Variants in ARF3 observed in about 807,000 individuals in gnomAD.
ARF3 encodes ADP-ribosylation factor 3.
In ARF3, 5 loss-of-function variants were observed where a neutral mutation model predicts 19.3. That is an observed-to-expected ratio of 0.26 (90% confidence interval 0.14 to 0.54). The LOEUF is 0.54. Ranked by LOEUF, ARF3 falls within the 20% of genes least tolerant of loss-of-function variation. The pLI, the probability that ARF3 is intolerant of heterozygous loss-of-function variation, is 0.95. For missense variants in ARF3, 77 were observed against 234.2 expected (o/e 0.33, Z 4.38); for synonymous variants, 71 against 89.2 (o/e 0.80, Z 1.15).
At chr12:48,948,640 G>A (rs576948717) in intron 1 of ARF3, among the ~76,000 whole-genome samples, 5 of 151,988 alleles carry the variant, frequency 3.3e-5, no homozygotes, top group Non-Finnish European at 5.9e-5. Flanking sequence ...GTAAAACCCC[G>A]TCTCTACTAA....
At position 48,938,321 on chromosome 12, in the gene ARF3, G is replaced by A. The variant is rs1275104594; in HGVS notation, c.*626C>T. ...ACTGGGGCAGTCCGGCTTGACTAAT[G>A]CCCTCCCACCTTCTTCCCTTAATCT... is the stretch of plus-strand genomic sequence containing the variant. On this transcript the variant is annotated 3_prime_UTR_variant, in exon 5 of 5. Transcript: ENST00000256682. The A allele has an allele frequency of 4.4e-6, 2 of 450,208 alleles. No homozygotes were observed. Among genetic ancestry groups the A allele is most frequent in the East Asian group, 7.0e-5 (1 of 14,284 alleles). The allele number at this position is 450,208 out of a possible 1,614,324, so 27.9% of individuals were successfully genotyped here.
chr12:48,941,558 C>A (rs1270042614), intron 1 of ARF3: 1 of 152,526 alleles, frequency 6.6e-6, no homozygotes, highest in Non-Finnish European at 1.5e-5. Context: ...CCTCCCCTAA[C>A]CTTACTTACC....
chr12:48,941,416 G>A (rs912370096), intron 1 of ARF3, among the ~76,000 whole-genome samples: 6 of 152,112 alleles, frequency 3.9e-5, no homozygotes, highest in African/African-American at 1.4e-4. Flanking sequence ...GTGACTCTGG[G>A]CAAGTTACTT....
At chr12:48,953,279 T>C (rs79253663) in intron 1 of ARF3, 6 of 152,196 alleles carry the variant, frequency 3.9e-5, no homozygotes, top group East Asian at 3.9e-4. Flanking sequence ...CAGGTTCTGC[T>C]TGAAGAGAGG....
intron 1 of ARF3, among the ~76,000 whole-genome samples, chr12:48,954,036 A>C (rs833820): frequency 0.37 from 56,886 of 152,074 alleles, 11,872 homozygotes; most frequent in South Asian, 0.54. Flanking sequence ...CTGAGACCTA[A>C]AATAAGGGCA....
intron 1 of ARF3, among the ~76,000 whole-genome samples, chr12:48,952,852 C>G (rs11168804): frequency 2.0e-5 from 3 of 152,258 alleles, no homozygotes; most frequent in East Asian, 3.8e-4. Flanking sequence ...AGAGCTGCAA[C>G]TGCCCAATGT....
chr12:48,941,546 T>A (rs965957496), intron 1 of ARF3: 1 of 152,636 alleles, frequency 6.6e-6, no homozygotes, highest in African/African-American at 2.4e-5. Context: ...TTAATGCCCC[T>A]CCCTCCCCTA....
At chr12:48,953,912 A>G (rs1214852003) in intron 1 of ARF3, among the ~76,000 whole-genome samples, 3 of 152,242 alleles carry the variant, frequency 2.0e-5, no homozygotes, top group Admixed American at 6.5e-5. Context: ...AATTCTACAG[A>G]TATCACAATT....
At chr12:48,948,810 C>CA (rs1236622299) in intron 1 of ARF3, among the ~76,000 whole-genome samples, 7 of 141,862 alleles carry the variant, frequency 4.9e-5, no homozygotes, top group South Asian at 2.2e-4. Flanking sequence ...GACTCGGTCT[C>CA]AAAAAAAAAA....
intron 1 of ARF3, among the ~76,000 whole-genome samples, chr12:48,951,759 A>G (rs1940476164): frequency 6.6e-6 from 1 of 151,858 alleles, no homozygotes; most frequent in Non-Finnish European, 1.5e-5. Flanking sequence ...CACGCCTGTA[A>G]TCCCAGCTAC....
Position 48,937,261 on chromosome 12 carries a change from TGGGAAG to T in ARF3, c.*1680_*1685del, listed in dbSNP as rs1456112539. 6.6e-6 allele frequency: 1 copy of T among 152,208 alleles called. No individual in the cohort carries two copies. Among genetic ancestry groups the T allele is most frequent in the Non-Finnish European group, 1.5e-5 (1 of 68,052 alleles). 9.4% of individuals were successfully genotyped at this position (152,208 alleles called of 1,614,324 possible). ...GGAGTGGGGCTTGGGACAGCCCTAC[TGGGAAG>T]GGGTCCCTCAGCCATGCTGTGGGGG... On this transcript the variant is annotated 3_prime_UTR_variant, in exon 5 of 5. Coordinates refer to ENST00000256682, the MANE Select transcript of ARF3 (RefSeq NM_001659.3).
intron 1 of ARF3, among the ~76,000 whole-genome samples, chr12:48,945,943 C>T (rs1463405167): frequency 6.6e-6 from 1 of 152,174 alleles, no homozygotes; most frequent in Non-Finnish European, 1.5e-5. Flanking sequence ...GCTGGGATTA[C>T]AGGCATGTGC....
intron 1 of ARF3, among the ~76,000 whole-genome samples, chr12:48,946,006 CT>C (rs1435164551): frequency 6.6e-6 from 1 of 152,132 alleles, no homozygotes; most frequent in Non-Finnish European, 1.5e-5. Context: ...TTTTGCCATG[CT>C]GGCCAGGCTG....
intron 1 of ARF3, among the ~76,000 whole-genome samples, chr12:48,950,719 A>G (rs1167847984): frequency 4.0e-5 from 6 of 151,792 alleles, no homozygotes; most frequent in Admixed American, 2.6e-4. Flanking sequence ...TCCTGTCTCT[A>G]TGAATCTGTT....
intron 1 of ARF3, among the ~76,000 whole-genome samples, chr12:48,952,861 G>A (rs1323258799): frequency 6.6e-6 from 1 of 152,220 alleles, no homozygotes; most frequent in African/African-American, 2.4e-5. Context: ...ACTGCCCAAT[G>A]TGCCTCTAGT....
chr12:48,954,602 G>A (rs1940527528), intron 1 of ARF3, among the ~76,000 whole-genome samples: 2 of 152,198 alleles, frequency 1.3e-5, no homozygotes, highest in Admixed American at 1.3e-4. Flanking sequence ...GAGAAGACAA[G>A]CAATTTTACA....
chr12:48,950,840 C>T (rs1242190267), intron 1 of ARF3, among the ~76,000 whole-genome samples: 4 of 151,906 alleles, frequency 2.6e-5, no homozygotes, highest in Middle Eastern at 3.2e-3. Context: ...GGCTAGAGTG[C>T]AATGGCGCAA....
rs753380337 is a variant in ARF3, at chr12:48,937,448, CAGAG to C, written c.*1495_*1498del. On this transcript the variant is annotated 3_prime_UTR_variant, in exon 5 of 5. Coordinates refer to ENST00000256682, the MANE Select transcript of ARF3 (RefSeq NM_001659.3). Reference sequence around the variant, plus strand: ...CTCAGGAACAAGTGCCCCCTGCAGACAGAGAGACGCAGTAGCAACAGCTTCTGAA... The same window carrying C: ...CTCAGGAACAAGTGCCCCCTGCAGACAGACGCAGTAGCAACAGCTTCTGAA... 6.6e-6 allele frequency: 1 copy of C among 152,562 alleles called. No individual in the cohort carries two copies. The highest frequency in any genetic ancestry group is 2.1e-4 in the South Asian group (1 of 4,838). The allele number at this position is 152,562 out of a possible 1,614,324, so 9.5% of individuals were successfully genotyped here.
At chr12:48,942,727 T>C (rs1326873890) in intron 1 of ARF3, among the ~76,000 whole-genome samples, 1 of 152,242 alleles carries the variant, frequency 6.6e-6, no homozygotes, top group African/African-American at 2.4e-5. Flanking sequence ...CTTCAAAAAC[T>C]GAACTAATCC....
Sources: allele counts gnomAD v4.1 joint callset (sites outside exome capture counted in the v4.1 genomes callset), GRCh38; gene constraint gnomAD v4.1.1; transcripts MANE v1.5; gene names NCBI Gene and HGNC (gene_info 2026-07-23, HGNC 2026-07-21).